The following PRICKLE2 variants were observed in gnomAD, a reference collection of about 807,000 sequenced individuals.
The protein encoded by PRICKLE2 is prickle-like protein 2.
A neutral mutation model predicts 81.4 loss-of-function variants in PRICKLE2; 21 were observed. That is an observed-to-expected ratio of 0.26 (90% CI 0.18 to 0.37). The LOEUF (loss-of-function observed/expected upper bound fraction) is 0.37. Ranked by LOEUF, PRICKLE2 falls within the 10% of genes least tolerant of loss-of-function variation. The pLI is 1.00. For synonymous variants in PRICKLE2, 456 were observed against 421.5 expected, an observed-to-expected ratio of 1.08 and a Z score of -1.00; for missense variants, 940 against 1,109.0, an observed-to-expected ratio of 0.85 and a Z score of 2.16.
chr3:64,133,755 A>G (rs2077233982), intron 7 of PRICKLE2, among the ~76,000 whole-genome samples: 1 of 152,304 alleles, frequency 6.6e-6, no homozygotes, highest in African/African-American at 2.4e-5. Context: ...TGTAAATCAG[A>G]TTCAAGGAGA....
At chr3:64,172,738 G>A (rs1411271588) in intron 2 of PRICKLE2, among the ~76,000 whole-genome samples, 1 of 152,164 alleles carries the variant, frequency 6.6e-6, no homozygotes, top group African/African-American at 2.4e-5. Context: ...TAACCCCTAT[G>A]TGTGACTATA....
chr3:64,113,919 C>T (rs1055036754), intron 7 of PRICKLE2, among the ~76,000 whole-genome samples: 1 of 152,214 alleles, frequency 6.6e-6, no homozygotes, highest in Non-Finnish European at 1.5e-5. Context: ...AGCTATGCTG[C>T]CTCTGTCATT....
chr3:64,205,697 CATT>C (rs2078674942), intron 1 of PRICKLE2, among the ~76,000 whole-genome samples: 1 of 152,190 alleles, frequency 6.6e-6, no homozygotes, highest in Non-Finnish European at 1.5e-5. Flanking sequence ...TTGCAAACAT[CATT>C]AAGCCTGTTT....
chr3:64,170,226 T>C (rs1187610388), intron 2 of PRICKLE2, among the ~76,000 whole-genome samples: 1 of 152,228 alleles, frequency 6.6e-6, no homozygotes, highest in Admixed American at 6.5e-5. Flanking sequence ...GTCTCCATCA[T>C]GTTGAACTCC....
intron 7 of PRICKLE2, among the ~76,000 whole-genome samples, chr3:64,140,425 T>C (rs2077342166): frequency 6.6e-6 from 1 of 152,228 alleles, no homozygotes; most frequent in African/African-American, 2.4e-5. Context: ...GTCCTTCCTA[T>C]GGGACCCAGC....
chr3:64,142,852 G>C (rs2077385039), intron 7 of PRICKLE2, among the ~76,000 whole-genome samples: 3 of 152,124 alleles, frequency 2.0e-5, no homozygotes, highest in East Asian at 1.9e-4. Context: ...AGTACTACAG[G>C]AACACCTTTA....
rs2076614846 is a variant in PRICKLE2 at position 64,099,271 on chromosome 3, T to C, written c.2315A>G (p.Tyr772Cys). ...GGAGGAGCAGGTGGAACACCAATCA[T>C]ACTCGGCGAAGTAGGGTCCCCAGCG... Reference protein sequence around the residue: ...GDRWGPYFAEYDWCSTCSSSS... With the variant: ...GDRWGPYFAECDWCSTCSSSS... Residue 772 changes from tyrosine to cysteine, a missense_variant, in exon 8 of 8, where the codon TAT (tyrosine) becomes TGT (cysteine). Tyr to Cys is a radical substitution (Grantham distance 194, BLOSUM62 -2). Transcript: ENST00000638394. This position sits in a 1 kb window ranked among gnomAD's most constrained non-coding sequence, Gnocchi z 4.3. 2.5e-6 allele frequency: 4 copies of C among 1,614,042 alleles called. No individual in the cohort carries two copies. The highest frequency in any genetic ancestry group is 1.3e-5 in the African/African-American group (1 of 74,922).
chr3:64,096,681 G>T lies in PRICKLE2; in HGVS notation c.*2370C>A, dbSNP rs1161355348. On this transcript the variant is annotated 3_prime_UTR_variant, in exon 8 of 8. Coordinates refer to ENST00000638394, the MANE Select transcript of PRICKLE2 (RefSeq NM_198859.4). ...CTGGGCATCTAGACTTATGCCTCCA[G>T]ACCCCTCCGGGCACTGGCCATGTGT... is the stretch of plus-strand genomic sequence containing the variant. 10 of 152,474 alleles carry T rather than the reference G, an allele frequency of 6.6e-5. No individual in the cohort carries two copies. Among genetic ancestry groups the T allele is most frequent in the Non-Finnish European group, 2.9e-5 (2 of 68,038 alleles). The allele number at this position is 152,474 out of a possible 1,614,324, so 9.4% of individuals were successfully genotyped here.
At chr3:64,148,498 T>C (rs2077493283) in intron 6 of PRICKLE2, among the ~76,000 whole-genome samples, 1 of 152,202 alleles carries the variant, frequency 6.6e-6, no homozygotes, top group Non-Finnish European at 1.5e-5. Context: ...TCTTTGTGTG[T>C]AGATAGATCG....
intron 7 of PRICKLE2, among the ~76,000 whole-genome samples, chr3:64,124,697 T>C (rs2077081254): frequency 6.6e-6 from 1 of 152,066 alleles, no homozygotes; most frequent in Non-Finnish European, 1.5e-5. Context: ...AATAAGCTTA[T>C]AGCATGGCTT....
At chr3:64,267,013 C>G (rs1306848896) in intron 2 of PRICKLE2, among the ~76,000 whole-genome samples, 1 of 151,542 alleles carries the variant, frequency 6.6e-6, no homozygotes, top group Non-Finnish European at 1.5e-5. Context: ...CACAAGTGAA[C>G]AGATGGGTGG....
At chr3:64,234,204 G>T (rs535012295) in intron 2 of PRICKLE2, among the ~76,000 whole-genome samples, 1 of 151,974 alleles carries the variant, frequency 6.6e-6, no homozygotes, top group African/African-American at 2.4e-5. Context: ...TTGCTGGGTC[G>T]TATAACTCTA....
At chr3:64,242,530 C>T (rs978619912) in intron 2 of PRICKLE2, among the ~76,000 whole-genome samples, 1 of 152,252 alleles carries the variant, frequency 6.6e-6, no homozygotes, top group South Asian at 2.1e-4. Context: ...TGACTGGTTA[C>T]ACAAGTTAAT....
rs915335640 is a variant in PRICKLE2, at chr3:64,106,389, G to A, written c.1661-6464C>T. Among the ~76,000 whole-genome samples, 3 of 152,298 alleles carry A rather than the reference G, an allele frequency of 2.0e-5. 1 individual carries two copies. On this transcript the variant is annotated intron_variant, in intron 7 of 7. Coordinates refer to ENST00000638394, the MANE Select transcript of PRICKLE2 (RefSeq NM_198859.4). ...CACACCTATTCATTTGCATATTGTCGAGGGTTGCTTTCTGGAGTTGGGAGT... is the reference window on the plus strand; with the variant it reads ...CACACCTATTCATTTGCATATTGTCAAGGGTTGCTTTCTGGAGTTGGGAGT...
At chr3:64,244,972 A>C (rs974107218) in intron 2 of PRICKLE2, among the ~76,000 whole-genome samples, 1 of 152,148 alleles carries the variant, frequency 6.6e-6, no homozygotes, top group African/African-American at 2.4e-5. Flanking sequence ...TTATTTTTTC[A>C]ATCATAGATG....
chr3:64,170,297 C>A (rs1320088451), intron 2 of PRICKLE2, among the ~76,000 whole-genome samples: 1 of 152,178 alleles, frequency 6.6e-6, no homozygotes, highest in Non-Finnish European at 1.5e-5. Context: ...AAAGAAGACT[C>A]TTTCAAAGAC....
chr3:64,204,146 G>A (rs908412134), intron 1 of PRICKLE2, among the ~76,000 whole-genome samples: 1 of 152,174 alleles, frequency 6.6e-6, no homozygotes, highest in Non-Finnish European at 1.5e-5. Context: ...TCTCAGAGGG[G>A]AGAAACATAC....
intron 1 of PRICKLE2, among the ~76,000 whole-genome samples, chr3:64,207,331 C>G (rs1234967952): frequency 6.6e-6 from 1 of 152,052 alleles, no homozygotes; most frequent in African/African-American, 2.4e-5. Flanking sequence ...AAATCAGAAA[C>G]TACAGATAAG....
chr3:64,171,464 C>T (rs1277273239), intron 2 of PRICKLE2, among the ~76,000 whole-genome samples: 1 of 152,192 alleles, frequency 6.6e-6, no homozygotes, highest in Non-Finnish European at 1.5e-5. Context: ...AACTGATAAA[C>T]TCTTCATCTG....
Sources: allele counts gnomAD v4.1 joint callset (sites outside exome capture counted in the v4.1 genomes callset), GRCh38; gene constraint gnomAD v4.1.1; non-coding constraint Gnocchi (gnomAD v3.1); transcripts MANE v1.5; gene names NCBI Gene and HGNC (gene_info 2026-07-23, HGNC 2026-07-21).